Variants in ADAMTS17 observed in about 807,000 individuals in gnomAD.
ADAMTS17 encodes ADAM metallopeptidase with thrombospondin type 1 motif 17.
Under a neutral mutation model 141.5 loss-of-function variants are expected in ADAMTS17, and 113 were observed. That is an observed-to-expected ratio of 0.80 (90% CI 0.69 to 0.93). ADAMTS17 has a LOEUF of 0.93. Ranked by LOEUF, ADAMTS17 falls within the 40% of genes least tolerant of loss-of-function variation. ADAMTS17 has a pLI of 0.00. For synonymous variants in ADAMTS17, 768 were observed against 630.6 expected (o/e 1.22, Z -3.27); for missense variants, 1,659 against 1,517.9 (o/e 1.09, Z -1.54).
intron 18 of ADAMTS17, among the ~76,000 whole-genome samples, chr15:100,045,825 A>T (rs2031638719): frequency 6.6e-6 from 1 of 152,092 alleles, no homozygotes; most frequent in African/African-American, 2.4e-5. Context: ...ATTCCATGCC[A>T]TTCTATTCCT....
At chr15:100,102,540 GAT>G (rs1384367285) in intron 14 of ADAMTS17, among the ~76,000 whole-genome samples, 17 of 127,996 alleles carry the variant, frequency 1.3e-4, no homozygotes, top group Non-Finnish European at 1.7e-4. Context: ...GACCGAAGGG[GAT>G]CTACATTTGA....
intron 16 of ADAMTS17, among the ~76,000 whole-genome samples, chr15:100,053,626 T>G (rs1246207915): frequency 1.3e-5 from 2 of 151,986 alleles, no homozygotes; most frequent in African/African-American, 4.8e-5. Context: ...ATTTCCTTCT[T>G]TGAGGCAGCT....
At chr15:100,062,959 C>T (rs1220124501) in intron 15 of ADAMTS17, among the ~76,000 whole-genome samples, 2 of 152,218 alleles carry the variant, frequency 1.3e-5, no homozygotes, top group African/African-American at 4.8e-5. Flanking sequence ...CTGTGTCCAA[C>T]TGAGAACTCC....
intron 10 of ADAMTS17, among the ~76,000 whole-genome samples, chr15:100,134,599 C>T (rs2038230066): frequency 6.6e-6 from 1 of 152,230 alleles, no homozygotes; most frequent in Non-Finnish European, 1.5e-5. Flanking sequence ...TAGAGGTCTG[C>T]TCTTCCAAGT....
intron 8 of ADAMTS17, among the ~76,000 whole-genome samples, chr15:100,180,374 G>A (rs1330263966): frequency 3.9e-5 from 6 of 152,090 alleles, no homozygotes; most frequent in Admixed American, 3.9e-4. Flanking sequence ...CCATTGCTCT[G>A]TGTATCTGTT....
chr15:100,212,174 A>C (rs1318077615), intron 7 of ADAMTS17, among the ~76,000 whole-genome samples: 2 of 152,214 alleles, frequency 1.3e-5, no homozygotes, highest in South Asian at 2.1e-4. Context: ...AGGCACCAAG[A>C]GGGTAAGCAA....
intron 3 of ADAMTS17, among the ~76,000 whole-genome samples, chr15:100,330,081 G>A (rs908825747): frequency 6.6e-6 from 1 of 152,136 alleles, no homozygotes; most frequent in African/African-American, 2.4e-5. Flanking sequence ...CTTCATCTGG[G>A]GACATTTGTA....
rs867289011 is a variant in ADAMTS17 at position 100,071,867 on chromosome 15, G to A, written c.2138-17813C>T. 2.5e-4 allele frequency among the ~76,000 whole-genome samples: 38 copies of A among 150,202 alleles called. 1 individual carries two copies. The highest frequency in any genetic ancestry group is 6.3e-4 in the South Asian group (3 of 4,748). On this transcript the variant is annotated intron_variant, in intron 15 of 21. Transcript: ENST00000268070. Reference sequence around the variant, plus strand: ...GCACAAGACAGGGATGCCCTCTCTCGCCACTCCTATTCAACATAGTGTTGG... The same window carrying A: ...GCACAAGACAGGGATGCCCTCTCTCACCACTCCTATTCAACATAGTGTTGG...
At chr15:100,324,439 A>G (rs2045836697) in intron 3 of ADAMTS17, among the ~76,000 whole-genome samples, 1 of 152,216 alleles carries the variant, frequency 6.6e-6, no homozygotes, top group African/African-American at 2.4e-5. Flanking sequence ...ATAATTCAAA[A>G]TAATTTACAC....
chr15:99,976,805 GT>G (rs2060342772), intron 20 of ADAMTS17, among the ~76,000 whole-genome samples: 2 of 152,030 alleles, frequency 1.3e-5, no homozygotes, highest in South Asian at 4.1e-4. Flanking sequence ...AGGAATAAAT[GT>G]TTAAGCCACC....
intron 3 of ADAMTS17, among the ~76,000 whole-genome samples, chr15:100,314,802 G>A (rs1280608913): frequency 6.6e-6 from 1 of 152,184 alleles, no homozygotes; most frequent in East Asian, 1.9e-4. Context: ...CAGGAGGCTG[G>A]GGACAGAGTG....
chr15:100,205,398 A>G (rs573578385), intron 7 of ADAMTS17, among the ~76,000 whole-genome samples: 66 of 152,284 alleles, frequency 4.3e-4, no homozygotes, highest in South Asian at 1.9e-3. Context: ...AGAGAAACGA[A>G]TAAGTGGTGA....
At chr15:100,339,930 C>T (rs968082169) in intron 2 of ADAMTS17, among the ~76,000 whole-genome samples, 3 of 152,212 alleles carry the variant, frequency 2.0e-5, no homozygotes, top group Non-Finnish European at 4.4e-5. Context: ...CGTAGATTCT[C>T]GAGGACTCGC....
At chr15:100,309,410 G>A (rs1368089375) in intron 3 of ADAMTS17, among the ~76,000 whole-genome samples, 6 of 152,202 alleles carry the variant, frequency 3.9e-5, no homozygotes, top group South Asian at 2.1e-4. Flanking sequence ...GATGGTGGTC[G>A]GCGCTGGGAT....
At chr15:100,181,530 T>A (rs1260437323) in intron 8 of ADAMTS17, among the ~76,000 whole-genome samples, 1 of 152,194 alleles carries the variant, frequency 6.6e-6, no homozygotes, top group Non-Finnish European at 1.5e-5. Flanking sequence ...GCCAGCAAGT[T>A]ATGAATGATG....
At chr15:99,986,834 A>G (rs2039815383) in intron 20 of ADAMTS17, among the ~76,000 whole-genome samples, 1 of 152,180 alleles carries the variant, frequency 6.6e-6, no homozygotes, top group African/African-American at 2.4e-5. Flanking sequence ...CAGTGGGTGA[A>G]AACAACGATC....
chr15:100,299,344 C>G (rs1211397276), intron 3 of ADAMTS17, among the ~76,000 whole-genome samples: 2 of 151,592 alleles, frequency 1.3e-5, no homozygotes, highest in African/African-American at 4.9e-5. Flanking sequence ...GCAGGCAGGA[C>G]AGTCATCTCA....
At chr15:99,995,409 A>G (rs2060781272) in intron 19 of ADAMTS17, among the ~76,000 whole-genome samples, 1 of 152,134 alleles carries the variant, frequency 6.6e-6, no homozygotes. Flanking sequence ...CCAGCAACCC[A>G]TTCTCCTGAA....
At position 100,221,425 on chromosome 15, in the gene ADAMTS17, C is replaced by T. The variant is rs111569239; in HGVS notation, c.1076-22002G>A. Among the ~76,000 whole-genome samples the T allele has an allele frequency of 2.0e-4, 31 of 152,228 alleles. 1 individual carries two copies. The highest frequency in any genetic ancestry group is 3.4e-3 in the Middle Eastern group (1 of 294). ...TACACTCATATAAGGTGGTAATCTG[C>T]ACTATTTGTACAAACTATATGTGAA... On this transcript the variant is annotated intron_variant, in intron 7 of 21. Transcript: ENST00000268070.
Sources: gnomAD v4.1 joint callset for allele counts (sites outside exome capture counted in the v4.1 genomes callset) on GRCh38, gnomAD v4.1.1 for gene constraint, MANE v1.5 for transcripts, NCBI Gene and HGNC (gene_info 2026-07-23, HGNC 2026-07-21) for gene names.